MAP4K5: variants seen among roughly 807,000 people sequenced by gnomAD.
MAP4K5 encodes MAPK/ERK kinase kinase kinase 5.
MAP4K5 carries 82 observed loss-of-function variants against 135.6 expected under a neutral mutation model. The observed-to-expected ratio is 0.60, with a 90% confidence interval of 0.51 to 0.73. The LOEUF is 0.73. Ranked by LOEUF, MAP4K5 falls within the 30% of genes least tolerant of loss-of-function variation. The pLI, the probability that MAP4K5 is intolerant of heterozygous loss-of-function variation, is 0.00. For missense variants in MAP4K5, 907 were observed against 1,010.9 expected, an observed-to-expected ratio of 0.90 and a Z score of 1.39; for synonymous variants, 347 against 335.0, an observed-to-expected ratio of 1.04 and a Z score of -0.39.
In MAP4K5 at chr14:50,464,116, T is replaced by C. The variant is rs1317095952; in HGVS notation, c.755A>G (p.Asn252Ser). 3.3e-6 allele frequency: 5 copies of C among 1,525,910 alleles called. No individual in the cohort carries two copies. Among genetic ancestry groups the C allele is most frequent in the African/African-American group, 2.8e-5 (2 of 72,654 alleles). 94.5% of individuals were successfully genotyped at this position (1,525,910 alleles called of 1,614,324 possible). ...TTTGGTTAGTGCTATTTTGACAAAA[T>C]TATGGAATGTTGATGACCTTAAAAT... ...DKTKWSSTFH[N>S]FVKIALTKNP... is the part of the protein sequence containing the mutation. The change falls in exon 12 of 33, where the codon AAT becomes AGT. Residue 252 changes from asparagine to serine, a missense_variant. This residue lies in a region of MAP4K5 where 690 missense variants were observed against 777.4 expected (regional missense o/e 0.89). Coordinates refer to ENST00000682126, the MANE Select transcript of MAP4K5 (RefSeq NM_006575.6).
At chr14:50,555,972 G>T (rs1476098933) in intron 1 of MAP4K5, among the ~76,000 whole-genome samples, 1 of 152,152 alleles carries the variant, frequency 6.6e-6, no homozygotes, top group Non-Finnish European at 1.5e-5. Context: ...AAATGAGCAT[G>T]GTGAAAGAAC....
intron 3 of MAP4K5, among the ~76,000 whole-genome samples, chr14:50,497,232 G>C (rs543808428): frequency 2.6e-5 from 4 of 152,184 alleles, no homozygotes; most frequent in African/African-American, 9.6e-5. Context: ...TTTCCATTGA[G>C]CATAATGAAT....
intron 6 of MAP4K5, among the ~76,000 whole-genome samples, chr14:50,477,065 C>T (rs2037117885): frequency 6.6e-6 from 1 of 152,194 alleles, no homozygotes; most frequent in Non-Finnish European, 1.5e-5. Flanking sequence ...ATCTACAGAA[C>T]AATTTGTGAA....
upstream of MAP4K5, among the ~76,000 whole-genome samples, chr14:50,536,580 G>A (rs1179575735): frequency 1.3e-5 from 2 of 152,198 alleles, no homozygotes; most frequent in Non-Finnish European, 2.9e-5. Flanking sequence ...AGGAAAATGT[G>A]GGAAAGTTTG....
At chr14:50,496,620 T>A (rs2037599752) in intron 3 of MAP4K5, among the ~76,000 whole-genome samples, 1 of 151,822 alleles carries the variant, frequency 6.6e-6, no homozygotes. Flanking sequence ...GTGATCCTCC[T>A]GCCTCAGTGT....
At chr14:50,516,984 T>C (rs561840987) in intron 2 of MAP4K5, among the ~76,000 whole-genome samples, 3 of 152,310 alleles carry the variant, frequency 2.0e-5, no homozygotes, top group Middle Eastern at 3.4e-3. Context: ...AATTTTTCAA[T>C]ATGCCATGCC....
chr14:50,522,006 A>G (rs573452418), intron 2 of MAP4K5, among the ~76,000 whole-genome samples: 32 of 152,294 alleles, frequency 2.1e-4, no homozygotes, highest in Admixed American at 1.2e-3. Context: ...TTGTTAATAG[A>G]GTTCATGTTT....
chr14:50,560,917 G>C (rs1433053370), intron 1 of MAP4K5: 1 of 153,120 alleles, frequency 6.5e-6, no homozygotes, highest in Admixed American at 6.5e-5. Flanking sequence ...TCTTAATTTG[G>C]GGGTTGGGTG....
intron 8 of MAP4K5, among the ~76,000 whole-genome samples, chr14:50,475,671 C>T (rs1007560682): frequency 5.3e-5 from 8 of 152,176 alleles, no homozygotes; most frequent in Non-Finnish European, 1.2e-4. Context: ...TGAATCACTG[C>T]ACTCCAGCCT....
At chr14:50,445,312 T>A in intron 17 of MAP4K5, 118 bp from the exon 18 acceptor site, 1 of 813,292 alleles carries the variant, frequency 1.2e-6, no homozygotes, top group Non-Finnish European at 1.8e-6. Flanking sequence ...CTGGGCTAAG[T>A]GAGCAAAGTA....
intron 9 of MAP4K5, among the ~76,000 whole-genome samples, chr14:50,470,867 T>C (rs990199196): frequency 6.6e-6 from 1 of 152,174 alleles, no homozygotes; most frequent in African/African-American, 2.4e-5. Context: ...AAGCTTATCA[T>C]ATACAAATCT....
At chr14:50,538,163 C>G (rs2038517424) in intron 2 of MAP4K5, among the ~76,000 whole-genome samples, 1 of 152,156 alleles carries the variant, frequency 6.6e-6, no homozygotes, top group East Asian at 1.9e-4. Flanking sequence ...GTGAATAAGT[C>G]TCATGAGATC....
intron 4 of MAP4K5, 76 bp from the exon 5 acceptor site, chr14:50,485,718 T>C: frequency 2.3e-6 from 2 of 874,514 alleles, no homozygotes; most frequent in Non-Finnish European, 1.8e-6. Flanking sequence ...TCTCACTCTT[T>C]AGCACACCAG....
chr14:50,436,875 C>T (rs1008892482), intron 26 of MAP4K5, among the ~76,000 whole-genome samples: 4 of 152,134 alleles, frequency 2.6e-5, no homozygotes, highest in African/African-American at 9.7e-5. Context: ...TGATTTTAAT[C>T]TATATTCTGT....
chr14:50,530,790 T>C (rs2038368969), intron 2 of MAP4K5, among the ~76,000 whole-genome samples: 6 of 149,160 alleles, frequency 4.0e-5, no homozygotes, highest in Admixed American at 2.0e-4. Flanking sequence ...GCCTATCCAT[T>C]ACAGTTTATC....
At chr14:50,438,755 T>A (rs887952065) in intron 23 of MAP4K5, among the ~76,000 whole-genome samples, 1 of 152,132 alleles carries the variant, frequency 6.6e-6, no homozygotes, top group Non-Finnish European at 1.5e-5. Flanking sequence ...AGAACAGAAA[T>A]ATTCTGCCTA....
chr14:50,557,501 T>C (rs1198512194), intron 1 of MAP4K5, among the ~76,000 whole-genome samples: 1 of 152,226 alleles, frequency 6.6e-6, no homozygotes, highest in Non-Finnish European at 1.5e-5. Context: ...CACTCTGTAT[T>C]AGCTTATAAA....
intron 28 of MAP4K5, among the ~76,000 whole-genome samples, chr14:50,432,839 T>C (rs1802577595): frequency 6.6e-6 from 1 of 152,150 alleles, no homozygotes; most frequent in Non-Finnish European, 1.5e-5. Flanking sequence ...AAATATTTCT[T>C]TCTTTCTTTT....
Position 50,446,098 on chromosome 14 carries a change from G to A in MAP4K5, c.1166C>T (p.Pro389Leu). ...TGKSTSKRAIPPPLPPKPRIS... is the reference protein window; with the variant it reads ...TGKSTSKRAILPPLPPKPRIS... ...GCTCACCTTAGGAGGTAGGGGAGGTGGTATTGCACGTTTTGAGGTTGATCT... is the reference window on the plus strand; with the variant it reads ...GCTCACCTTAGGAGGTAGGGGAGGTAGTATTGCACGTTTTGAGGTTGATCT... Residue 389 changes from proline (P) to leucine (L), a missense_variant, in exon 17 of 33, where the codon CCA becomes CTA. This residue lies in a region of MAP4K5 where 690 missense variants were observed against 777.4 expected (regional missense o/e 0.89). Coordinates refer to ENST00000682126, the MANE Select transcript of MAP4K5 (RefSeq NM_006575.6). The A allele has an allele frequency of 6.4e-7, 1 of 1,570,692 alleles. No individual in the cohort carries two copies. Among genetic ancestry groups the A allele is most frequent in the Non-Finnish European group, 8.6e-7 (1 of 1,161,128 alleles).
Sources: gnomAD v4.1 joint callset for allele counts (sites outside exome capture counted in the v4.1 genomes callset) on GRCh38, gnomAD v4.1.1 for gene constraint, gnomAD v4.1.1 regional missense constraint, MANE v1.5 for transcripts, NCBI Gene and HGNC (gene_info 2026-07-23, HGNC 2026-07-21) for gene names.